The following CSGALNACT1 variants were observed in gnomAD, a reference collection of about 807,000 sequenced individuals.
CSGALNACT1 encodes beta4GalNAcT-1.
A neutral mutation model predicts 51.0 loss-of-function variants in CSGALNACT1; 52 were observed. The ratio of observed to expected loss-of-function variants is 1.02; its 90% confidence interval spans 0.82 to 1.29. CSGALNACT1 has a LOEUF of 1.29. Ranked by LOEUF, CSGALNACT1 falls within the 50% of genes most tolerant of loss-of-function variation. The pLI is 0.00. For synonymous variants in CSGALNACT1, 341 were observed against 254.4 expected (o/e 1.34, Z -3.24); for missense variants, 935 against 679.2 (o/e 1.38, Z -4.19).
intron 8 of CSGALNACT1, among the ~76,000 whole-genome samples, chr8:19,413,785 G>A (rs2056350474): frequency 6.6e-6 from 1 of 152,204 alleles, no homozygotes; most frequent in African/African-American, 2.4e-5. Flanking sequence ...CATGTCGGAT[G>A]CCGTGGGCAT....
At chr8:19,633,952 A>C (rs760560421) in intron 1 of CSGALNACT1, among the ~76,000 whole-genome samples, 4 of 151,996 alleles carry the variant, frequency 2.6e-5, no homozygotes, top group African/African-American at 9.7e-5. Context: ...TTCTTTCCCA[A>C]CCGAGGGTTC....
At chr8:19,570,956 A>C (rs568416627) in intron 3 of CSGALNACT1, among the ~76,000 whole-genome samples, 1 of 151,998 alleles carries the variant, frequency 6.6e-6, no homozygotes, top group East Asian at 1.9e-4. Flanking sequence ...CAACAACAAA[A>C]CGTACAGAGA....
intron 3 of CSGALNACT1, among the ~76,000 whole-genome samples, chr8:19,585,554 C>A (rs530816756): frequency 6.6e-6 from 1 of 152,278 alleles, no homozygotes; most frequent in African/African-American, 2.4e-5. Context: ...GGAAAACAAC[C>A]ATCAGAGAAG....
chr8:19,418,850 C>G, intron 7 of CSGALNACT1, 100 bp from the exon 7 acceptor site: 1 of 821,100 alleles, frequency 1.2e-6, no homozygotes, highest in South Asian at 1.4e-5. Context: ...ATATTTGCAC[C>G]CACTTTTTTT....
intron 6 of CSGALNACT1, among the ~76,000 whole-genome samples, chr8:19,437,009 T>C (rs988166489): frequency 4.6e-5 from 7 of 152,232 alleles, no homozygotes; most frequent in African/African-American, 1.2e-4. Flanking sequence ...CTCCGTATGG[T>C]GTTGTGCTAA....
At chr8:19,517,619 T>TG (rs1360885655) in intron 3 of CSGALNACT1, among the ~76,000 whole-genome samples, 2 of 152,104 alleles carry the variant, frequency 1.3e-5, no homozygotes. Context: ...TCCACATGGC[T>TG]GGGGAGGCCT....
upstream of CSGALNACT1, among the ~76,000 whole-genome samples, chr8:19,605,512 A>G (rs116403030): frequency 9.4e-3 from 1,428 of 152,288 alleles, 18 homozygotes; most frequent in African/African-American, 0.032. Flanking sequence ...CCTGTCCTCC[A>G]ATGCCTAGTA....
chr8:19,625,253 T>A (rs558648915), intron 1 of CSGALNACT1, among the ~76,000 whole-genome samples: 1 of 152,246 alleles, frequency 6.6e-6, no homozygotes, highest in African/African-American at 2.4e-5. Context: ...TAAACTGCAG[T>A]CTATTAAGGA....
At chr8:19,671,085 C>T (rs1038019389) in intron 1 of CSGALNACT1, among the ~76,000 whole-genome samples, 1 of 152,100 alleles carries the variant, frequency 6.6e-6, no homozygotes, top group African/African-American at 2.4e-5. Flanking sequence ...ATGGTTATTA[C>T]CAGAATTAGC....
At chr8:19,488,265 G>T (rs562010302) in intron 4 of CSGALNACT1, among the ~76,000 whole-genome samples, 1 of 151,268 alleles carries the variant, frequency 6.6e-6, no homozygotes, top group African/African-American at 2.4e-5. Context: ...CAGGAGAATC[G>T]CTTGAATCTG....
At chr8:19,488,141 G>A (rs1323563024) in intron 4 of CSGALNACT1, among the ~76,000 whole-genome samples, 4 of 151,852 alleles carry the variant, frequency 2.6e-5, no homozygotes, top group Non-Finnish European at 5.9e-5. Context: ...CCTAAGGTCA[G>A]GAGCTCGAGA....
At chr8:19,666,831 G>GAGAGAGAGAGAGAA (rs1554794476) in intron 1 of CSGALNACT1, among the ~76,000 whole-genome samples, 13 of 24,930 alleles carry the variant, frequency 5.2e-4, no homozygotes, top group Admixed American at 1.7e-3. Flanking sequence ...GAGAGAGAGA[G>GAGAGAGAGAGAGAA]AGAAAGAAAG....
chr8:19,663,085 G>C lies in CSGALNACT1; in HGVS notation c.-544+19388C>G, dbSNP rs1422550056. On this transcript the variant is annotated intron_variant, in intron 1 of 9. Coordinates refer to the CSGALNACT1 transcript ENST00000332246. ...TATCAATCTATTGCGTTCCTCATTA[G>C]TCATGATCACTGCCTCCACAATGCC... is the stretch of plus-strand genomic sequence containing the variant. 2.0e-5 allele frequency among the ~76,000 whole-genome samples: 3 copies of C among 152,182 alleles called. No individual in the cohort carries two copies. The East Asian group carries it at 5.8e-4, about 29-fold the overall frequency.
intron 1 of CSGALNACT1, among the ~76,000 whole-genome samples, chr8:19,619,501 G>A (rs991172943): frequency 6.6e-6 from 1 of 151,946 alleles, no homozygotes; most frequent in South Asian, 2.1e-4. Flanking sequence ...GGGCTGGAGA[G>A]GTGAAGACTG....
chr8:19,635,243 C>T (rs936025505), intron 1 of CSGALNACT1, among the ~76,000 whole-genome samples: 11 of 152,186 alleles, frequency 7.2e-5, no homozygotes, highest in Non-Finnish European at 1.3e-4. Flanking sequence ...AGCCTCTGGG[C>T]ACCTGTCTGA....
At chr8:19,642,946 TAC>T (rs2056894662) in intron 1 of CSGALNACT1, among the ~76,000 whole-genome samples, 1 of 152,150 alleles carries the variant, frequency 6.6e-6, no homozygotes, top group African/African-American at 2.4e-5. Context: ...ATGTAAATAA[TAC>T]AGTTAAAGTT....
chr8:19,648,687 C>A (rs752265728), intron 1 of CSGALNACT1, among the ~76,000 whole-genome samples: 12 of 152,060 alleles, frequency 7.9e-5, no homozygotes, highest in Non-Finnish European at 1.6e-4. Flanking sequence ...ACCTGTAGTC[C>A]CAGGTACTCA....
chr8:19,527,311 T>C (rs2081913074), intron 3 of CSGALNACT1, among the ~76,000 whole-genome samples: 1 of 151,956 alleles, frequency 6.6e-6, no homozygotes, highest in South Asian at 2.1e-4. Context: ...GAAGAGAGGA[T>C]AAAAGAGGGC....
intron 3 of CSGALNACT1, among the ~76,000 whole-genome samples, chr8:19,577,874 G>A (rs1303110878): frequency 6.6e-6 from 1 of 152,106 alleles, no homozygotes; most frequent in East Asian, 1.9e-4. Flanking sequence ...ACAGCCAATG[G>A]CTGAGCCAAA....
Sources: gnomAD v4.1 joint callset for allele counts (sites outside exome capture counted in the v4.1 genomes callset) on GRCh38, gnomAD v4.1.1 for gene constraint, MANE v1.5 for transcripts, NCBI Gene and HGNC (gene_info 2026-07-23, HGNC 2026-07-21) for gene names.